Variants in EPHA6 observed in about 807,000 individuals in gnomAD.
The protein encoded by EPHA6 is ephrin type-A receptor 6.
Under a neutral mutation model 112.0 loss-of-function variants are expected in EPHA6, and 50 were observed. The observed-to-expected ratio is 0.45, with a 90% CI of 0.36 to 0.56. The LOEUF is 0.56. Among genes scored for constraint, EPHA6 ranks in the 20% least tolerant of loss-of-function variants. The pLI, the probability that EPHA6 is intolerant of heterozygous loss-of-function variation, is 0.00. For synonymous variants in EPHA6, 529 were observed against 490.7 expected (o/e 1.08, Z -1.03); for missense variants, 1,280 against 1,417.4 (o/e 0.90, Z 1.56).
Position 97,074,643 on chromosome 3 carries a change from T to C in EPHA6, c.1114+86650T>C, listed in dbSNP as rs528235514. 7.2e-5 allele frequency among the ~76,000 whole-genome samples: 11 copies of C among 152,166 alleles called. No homozygotes were observed. In the South Asian group the frequency reaches 2.3e-3, roughly 32 times the overall value. On this transcript the variant is annotated intron_variant, in intron 3 of 17. Coordinates refer to ENST00000389672, the MANE Select transcript of EPHA6 (RefSeq NM_001080448.3). ...TTTAATTTTATACATAAAATTTTGA[T>C]TTTAATTTCATACATAAAAGCAAAA...
intron 1 of EPHA6, among the ~76,000 whole-genome samples, chr3:96,833,610 T>C (rs2034222043): frequency 6.6e-6 from 1 of 151,994 alleles, no homozygotes; most frequent in African/African-American, 2.4e-5. Context: ...AGTGGATATA[T>C]CATCTCTTAG....
intron 5 of EPHA6, among the ~76,000 whole-genome samples, chr3:97,377,451 A>T (rs1444482662): frequency 6.6e-6 from 1 of 152,160 alleles, no homozygotes; most frequent in African/African-American, 2.4e-5. Context: ...TAATACAGTA[A>T]ATTGGTATCA....
At chr3:97,151,058 AT>A (rs2076160783) in intron 3 of EPHA6, among the ~76,000 whole-genome samples, 1 of 152,136 alleles carries the variant, frequency 6.6e-6, no homozygotes. Flanking sequence ...CTTTCTGTAC[AT>A]TCCTTGTCTC....
chr3:97,038,311 C>A (rs920350347), intron 3 of EPHA6, among the ~76,000 whole-genome samples: 1 of 151,890 alleles, frequency 6.6e-6, no homozygotes, highest in Non-Finnish European at 1.5e-5. Flanking sequence ...CATCCTTTCC[C>A]CCCCCATGCT....
chr3:97,641,178 C>T (rs1029203685), intron 14 of EPHA6, among the ~76,000 whole-genome samples: 3 of 152,170 alleles, frequency 2.0e-5, no homozygotes, highest in African/African-American at 7.2e-5. Flanking sequence ...TCTATTATAA[C>T]AAAATTATAA....
intron 16 of EPHA6, among the ~76,000 whole-genome samples, chr3:97,741,290 C>G (rs577805162): frequency 9.2e-5 from 14 of 152,086 alleles, no homozygotes; most frequent in African/African-American, 3.1e-4. Flanking sequence ...GACTTCAAGT[C>G]TGCTGTGCAC....
intron 3 of EPHA6, among the ~76,000 whole-genome samples, chr3:97,075,229 A>G (rs1001738351): frequency 1.6e-4 from 24 of 152,164 alleles, no homozygotes; most frequent in African/African-American, 5.5e-4. Flanking sequence ...AGAATATTTC[A>G]TATCTAGATT....
rs2035970100 is a variant in EPHA6, at chr3:97,754,246, G to A, written c.*5545G>A. ...TAGGATTACAGGCATGCGCCACCAC[G>A]CCCAGCTAATTTTGTATTTTTAGTA... On this transcript the variant is annotated 3_prime_UTR_variant, in exon 18 of 18. Transcript: ENST00000389672. Among the ~76,000 whole-genome samples the A allele has an allele frequency of 6.6e-6, 1 of 151,804 alleles. No individual in the cohort carries two copies. Among genetic ancestry groups the A allele is most frequent in the Non-Finnish European group, 1.5e-5 (1 of 67,932 alleles).
intron 3 of EPHA6, among the ~76,000 whole-genome samples, chr3:97,032,012 G>A (rs924693446): frequency 6.6e-6 from 1 of 152,036 alleles, no homozygotes; most frequent in African/African-American, 2.4e-5. Context: ...GTTTATTGTG[G>A]CACTATTCAC....
chr3:97,527,682 T>TG (rs968177279), intron 10 of EPHA6, among the ~76,000 whole-genome samples: 2 of 151,748 alleles, frequency 1.3e-5, no homozygotes, highest in African/African-American at 4.8e-5. Flanking sequence ...GGGTTGCATT[T>TG]GGGAAAAAAA....
At chr3:97,236,806 T>C (rs149863775) in intron 4 of EPHA6, among the ~76,000 whole-genome samples, 14 of 152,180 alleles carry the variant, frequency 9.2e-5, no homozygotes, top group Non-Finnish European at 1.9e-4. Context: ...AGAAAATTAT[T>C]ATTCTCTCAC....
intron 11 of EPHA6, among the ~76,000 whole-genome samples, chr3:97,542,328 A>T (rs1334883987): frequency 6.6e-6 from 1 of 152,034 alleles, no homozygotes; most frequent in Non-Finnish European, 1.5e-5. Flanking sequence ...CCCACCTATG[A>T]GCGAGAGCAT....
chr3:97,391,124 CT>C (rs1023190024), intron 5 of EPHA6, among the ~76,000 whole-genome samples: 2 of 151,496 alleles, frequency 1.3e-5, no homozygotes, highest in South Asian at 2.1e-4. Context: ...TTATAATTAT[CT>C]TTTTTTTACT....
At chr3:97,410,672 A>G (rs1022229091) in intron 6 of EPHA6, among the ~76,000 whole-genome samples, 3 of 152,072 alleles carry the variant, frequency 2.0e-5, no homozygotes, top group African/African-American at 7.2e-5. Context: ...TGAAATGCAG[A>G]TTGTAATATA....
chr3:97,664,995 GA>G (rs1259372898), intron 14 of EPHA6, among the ~76,000 whole-genome samples: 2 of 152,110 alleles, frequency 1.3e-5, no homozygotes, highest in Non-Finnish European at 2.9e-5. Flanking sequence ...AACCAAAAAA[GA>G]GCCTGCATTG....
At chr3:97,568,861 A>T (rs934862126) in intron 11 of EPHA6, among the ~76,000 whole-genome samples, 1 of 152,180 alleles carries the variant, frequency 6.6e-6, no homozygotes, top group Non-Finnish European at 1.5e-5. Flanking sequence ...ACAAGTGGGG[A>T]TGTATATAAC....
At chr3:97,389,017 T>C (rs996836228) in intron 5 of EPHA6, among the ~76,000 whole-genome samples, 1 of 152,112 alleles carries the variant, frequency 6.6e-6, no homozygotes, top group Non-Finnish European at 1.5e-5. Context: ...TTGAGCCTGA[T>C]AGGTTACTTG....
At chr3:97,714,724 G>C (rs896336903) in intron 14 of EPHA6, among the ~76,000 whole-genome samples, 6 of 152,168 alleles carry the variant, frequency 3.9e-5, no homozygotes, top group Admixed American at 2.0e-4. Context: ...GACTTGCTGT[G>C]ACTTTTTGGG....
intron 3 of EPHA6, among the ~76,000 whole-genome samples, chr3:97,103,311 T>C (rs145861112): frequency 6.6e-4 from 100 of 152,294 alleles, no homozygotes; most frequent in Admixed American, 1.8e-3. Context: ...CTTGAGTTGA[T>C]TTTTGTATAT....
Sources: allele counts gnomAD v4.1 joint callset (sites outside exome capture counted in the v4.1 genomes callset), GRCh38; gene constraint gnomAD v4.1.1; transcripts MANE v1.5; gene names NCBI Gene and HGNC (gene_info 2026-07-23, HGNC 2026-07-21).